Variants in TFDP1 observed in about 807,000 individuals in gnomAD.
The protein encoded by TFDP1 is transcription factor Dp-1, also known as DRTF1-polypeptide 1.
TFDP1 carries 6 observed loss-of-function variants against 48.0 expected under a neutral mutation model. That is an observed-to-expected ratio of 0.13 (90% CI 0.07 to 0.25). The LOEUF (loss-of-function observed/expected upper bound fraction) is 0.25. Among genes scored for constraint, TFDP1 ranks in the 10% least tolerant of loss-of-function variants. The pLI, the probability that TFDP1 is intolerant of heterozygous loss-of-function variation, is 1.00. For synonymous variants in TFDP1, 201 were observed against 211.6 expected (o/e 0.95, Z 0.44); for missense variants, 335 against 543.0 (o/e 0.62, Z 3.81).
chr13:113,601,883 A>C (rs1301648616), intron 2 of TFDP1, among the ~76,000 whole-genome samples: 1 of 135,490 alleles, frequency 7.4e-6, no homozygotes, highest in Non-Finnish European at 1.6e-5. Flanking sequence ...GGAGAGAGCT[A>C]CTCCCTCTGT....
chr13:113,636,437 G>C, intron 9 of TFDP1, 97 bp from the exon 10 acceptor site: 4 of 1,360,940 alleles, frequency 2.9e-6, no homozygotes, highest in Non-Finnish European at 4.1e-6. Context: ...GGGAAGCTGT[G>C]TGTGGCGGTC....
intron 4 of TFDP1, 127 bp from the exon 5 acceptor site, chr13:113,631,496 C>A: frequency 8.0e-7 from 1 of 1,244,460 alleles, no homozygotes; most frequent in Non-Finnish European, 1.1e-6. Context: ...TTTTCCTGCT[C>A]CGTCATGGCT....
At chr13:113,638,340 C>T (rs1286970968) in intron 11 of TFDP1, among the ~76,000 whole-genome samples, 6 of 149,962 alleles carry the variant, frequency 4.0e-5, no homozygotes, top group South Asian at 2.1e-4. Flanking sequence ...TTTTTCAGAA[C>T]GCATCTGCGG....
At chr13:113,612,669 TA>T (rs781695783) in intron 3 of TFDP1, among the ~76,000 whole-genome samples, 13 of 152,238 alleles carry the variant, frequency 8.5e-5, no homozygotes, top group Non-Finnish European at 5.9e-5. Flanking sequence ...TTTCTCTTGT[TA>T]GGTTACATGC....
intron 2 of TFDP1, among the ~76,000 whole-genome samples, chr13:113,591,732 G>A (rs2048151610): frequency 1.3e-5 from 2 of 152,218 alleles, no homozygotes; most frequent in Admixed American, 1.3e-4. Flanking sequence ...GATTTGTCAA[G>A]TTTTGCTTAG....
intron 9 of TFDP1, 141 bp from the exon 10 acceptor site, chr13:113,636,393 A>G (rs2049488919): frequency 9.3e-7 from 1 of 1,069,590 alleles, no homozygotes; most frequent in African/African-American, 1.6e-5. Flanking sequence ...CAGAGTTTAT[A>G]AATTCTGTGA....
intron 8 of TFDP1, among the ~76,000 whole-genome samples, chr13:113,635,153 C>T (rs1196429339): frequency 6.6e-6 from 1 of 152,202 alleles, no homozygotes; most frequent in African/African-American, 2.4e-5. Flanking sequence ...CCCCACCTCC[C>T]ATTGAGTGCT....
chr13:113,628,978 A>G (rs979994440), intron 4 of TFDP1, among the ~76,000 whole-genome samples: 1 of 152,206 alleles, frequency 6.6e-6, no homozygotes, highest in African/African-American at 2.4e-5. Flanking sequence ...CTTCCTGTGC[A>G]CCAGGAAGGA....
At chr13:113,619,887 C>T (rs1190339529) in intron 3 of TFDP1, among the ~76,000 whole-genome samples, 1 of 152,150 alleles carries the variant, frequency 6.6e-6, no homozygotes, top group Non-Finnish European at 1.5e-5. Flanking sequence ...GGCTCCGAAA[C>T]CCTTTACCTG....
At position 113,607,710 on chromosome 13, in the gene TFDP1, C is replaced by T. The variant is rs2048603652; in HGVS notation, c.13-3286C>T. ...GGCCCGTTAACTCCCTGGGCAGCTG[C>T]TGGGGAGGAAGAAGCACTGCCCGCA... On this transcript the variant is annotated intron_variant, in intron 2 of 11. Coordinates refer to ENST00000375370, the MANE Select transcript of TFDP1 (RefSeq NM_007111.5). This position sits in a 1 kb window ranked among gnomAD's most constrained non-coding sequence, Gnocchi z 5.2. Among the ~76,000 whole-genome samples the T allele has an allele frequency of 6.6e-6, 1 of 152,164 alleles. No homozygotes were observed. Among genetic ancestry groups the T allele is most frequent in the Non-Finnish European group, 1.5e-5 (1 of 68,024 alleles).
intron 2 of TFDP1, among the ~76,000 whole-genome samples, chr13:113,586,436 T>C (rs978917092): frequency 6.6e-6 from 1 of 152,166 alleles, no homozygotes; most frequent in African/African-American, 2.4e-5. Context: ...AACTATAGAA[T>C]ATTTTGAAAA....
At chr13:113,619,166 C>T (rs1401561276) in intron 3 of TFDP1, among the ~76,000 whole-genome samples, 1 of 152,198 alleles carries the variant, frequency 6.6e-6, no homozygotes, top group Non-Finnish European at 1.5e-5. Flanking sequence ...TGAAAAGTTT[C>T]TCAGTGAATA....
intron 10 of TFDP1, among the ~76,000 whole-genome samples, chr13:113,637,460 A>T (rs1335905152): frequency 2.6e-5 from 4 of 152,198 alleles, no homozygotes; most frequent in Non-Finnish European, 5.9e-5. Context: ...CCCGTGCTTC[A>T]TGGAGCTGCC....
At chr13:113,630,792 T>C (rs996932899) in intron 4 of TFDP1, among the ~76,000 whole-genome samples, 1 of 144,580 alleles carries the variant, frequency 6.9e-6, no homozygotes, top group Non-Finnish European at 1.5e-5. Context: ...TAAGACCTTG[T>C]CAAGAGTCAG....
At chr13:113,619,393 C>T (rs1385555093) in intron 3 of TFDP1, among the ~76,000 whole-genome samples, 5 of 150,850 alleles carry the variant, frequency 3.3e-5, no homozygotes, top group East Asian at 2.0e-4. Flanking sequence ...ATCGCTGGAA[C>T]GCGGGAGGCG....
At chr13:113,608,756 C>A (rs944900062) in intron 2 of TFDP1, among the ~76,000 whole-genome samples, 11 of 152,244 alleles carry the variant, frequency 7.2e-5, no homozygotes, top group Non-Finnish European at 1.5e-4. Context: ...AGTCACCTGA[C>A]CTTAACCTAC....
chr13:113,586,976 C>T (rs748509046), intron 2 of TFDP1, among the ~76,000 whole-genome samples: 2 of 152,222 alleles, frequency 1.3e-5, no homozygotes, highest in South Asian at 2.1e-4. Flanking sequence ...GTGCTCAGCG[C>T]GCAAGCCATG....
At chr13:113,593,808 A>G (rs1432676148) in intron 2 of TFDP1, among the ~76,000 whole-genome samples, 3 of 118,976 alleles carry the variant, frequency 2.5e-5, no homozygotes, top group Non-Finnish European at 5.1e-5. Flanking sequence ...TCAGCTATAC[A>G]CAGGTGTCAG....
chr13:113,584,757 G>A lies in TFDP1; in HGVS notation c.-196G>A, dbSNP rs1487866077. On this transcript the variant is annotated 5_prime_UTR_variant, in exon 1 of 12. Coordinates refer to ENST00000375370, the MANE Select transcript of TFDP1 (RefSeq NM_007111.5). ...TGAGCCCCGCGTCCCGGCGCCACTC[G>A]GCCCAGGGCAGGGACCCCGCCACGG... 3 of 146,486 alleles carry A rather than the reference G, an allele frequency of 2.0e-5. No individual in the cohort carries two copies. The highest frequency in any genetic ancestry group is 4.6e-5 in the Non-Finnish European group (3 of 65,910). The allele number at this position is 146,486 out of a possible 1,614,324, so 9.1% of individuals were successfully genotyped here.
Sources: allele counts gnomAD v4.1 joint callset (sites outside exome capture counted in the v4.1 genomes callset), GRCh38; gene constraint gnomAD v4.1.1; non-coding constraint Gnocchi (gnomAD v3.1); transcripts MANE v1.5; gene names NCBI Gene and HGNC (gene_info 2026-07-23, HGNC 2026-07-21).